Variants in MYL6B observed in about 807,000 individuals in gnomAD.
The protein encoded by MYL6B is myosin alkali light chain 1 slow a.
Under a neutral mutation model 24.5 loss-of-function variants are expected in MYL6B, and 19 were observed. The observed-to-expected ratio is 0.78, with a 90% CI of 0.54 to 1.14. The LOEUF (loss-of-function observed/expected upper bound fraction) is 1.14, where lower values mean the gene tolerates loss of function less well. Among genes scored for constraint, MYL6B ranks in the 50% most tolerant of loss-of-function variants. MYL6B has a pLI of 0.00. For missense variants in MYL6B, 230 were observed against 263.8 expected (o/e 0.87, Z 0.89); for synonymous variants, 90 against 100.7 (o/e 0.89, Z 0.64).
chr12:56,157,660 C>A, intron 6 of MYL6B, 38 bp from the exon 7 acceptor site: 2 of 1,613,378 alleles, frequency 1.2e-6, no homozygotes, highest in Non-Finnish European at 1.7e-6. Flanking sequence ...TATCCAAAGG[C>A]CTGCTTCTGA....
rs368314079 is a variant in MYL6B, at chr12:56,155,709, G to A, written c.520+117G>A. On this transcript the variant is annotated intron_variant, in intron 5 of 6. Coordinates refer to ENST00000553066, the Ensembl canonical transcript of MYL6B. Reference sequence around the variant, plus strand: ...GAGGCTTACTGTCCTGCAGGTTGTCGGCAGGAGACTGAGAAGGTCAGAGCT... The same window carrying A: ...GAGGCTTACTGTCCTGCAGGTTGTCAGCAGGAGACTGAGAAGGTCAGAGCT... 1.5e-5 allele frequency: 24 copies of A among 1,564,296 alleles called. No individual in the cohort carries two copies. In the East Asian group the frequency reaches 1.9e-4, roughly 12 times the overall value.
chr12:56,155,376 T>A (rs758486575), intron 4 of MYL6B, 43 bp from the exon 5 acceptor site: 4 of 1,613,656 alleles, frequency 2.5e-6, no homozygotes, highest in South Asian at 2.2e-5. Context: ...GGGTCCTATG[T>A]AATACTACAA....
chr12:56,153,521 C>T, intron 1 of MYL6B: 1 of 977,802 alleles, frequency 1.0e-6, no homozygotes, highest in Non-Finnish European at 1.2e-6. Flanking sequence ...CCCCTCACCC[C>T]ACCCTTCAAG....
chr12:56,154,999 C>T, intron 3 of MYL6B, 56 bp from the exon 4 acceptor site: 3 of 1,571,012 alleles, frequency 1.9e-6, no homozygotes, highest in Non-Finnish European at 2.6e-6. Context: ...TCCCTTCTGT[C>T]TGGGGGTGAT....
chr12:56,154,523 T>C (rs1045596096), intron 2 of MYL6B, among the ~76,000 whole-genome samples: 1 of 152,220 alleles, frequency 6.6e-6, no homozygotes, highest in African/African-American at 2.4e-5. Flanking sequence ...GGGGTAAATT[T>C]AGCCTTTGTT....
chr12:56,156,026 C>T, intron 5 of MYL6B: 1 of 1,117,732 alleles, frequency 8.9e-7, no homozygotes, highest in South Asian at 2.0e-5. Context: ...CGTGGCCTGG[C>T]CAGGTATGGT....
intron 6 of MYL6B, 72 bp downstream of exon 6, chr12:56,157,617 G>A (rs1780893994): frequency 1.2e-6 from 2 of 1,612,922 alleles, no homozygotes; most frequent in African/African-American, 1.3e-5. Context: ...GTGTGGGCGG[G>A]GGCACCCCTG....
chr12:56,157,167 GGT>G (rs1871353478), intron 5 of MYL6B: 2 of 311,716 alleles, frequency 6.4e-6, no homozygotes, highest in Non-Finnish European at 6.1e-6. Flanking sequence ...GGCCGAGGCA[GGT>G]GTATGACCTG....
At position 56,155,361 on chromosome 12, in the gene MYL6B, G is replaced by A. The variant is rs116319552; in HGVS notation, c.347-58G>A. Reference sequence around the variant, plus strand: ...GATGAAAGCATTGTGGTAGGGTTGGGAGCTGGGTCCTATGTAATACTACAA... The same window carrying A: ...GATGAAAGCATTGTGGTAGGGTTGGAAGCTGGGTCCTATGTAATACTACAA... On this transcript the variant is annotated intron_variant, in intron 4 of 6. Coordinates refer to ENST00000553066, the Ensembl canonical transcript of MYL6B. The A allele has an allele frequency of 1.3e-3, 2,158 of 1,611,136 alleles. 29 individuals are homozygous for A. In the African/African-American group the frequency reaches 0.025, roughly 19 times the overall value.
chr12:56,155,761 T>C (rs1182782666), intron 5 of MYL6B, 169 bp downstream of exon 5: 4 of 1,528,444 alleles, frequency 2.6e-6, no homozygotes, highest in Non-Finnish European at 2.6e-6. Flanking sequence ...AAGGACTCGC[T>C]CTTCCAGAGG....
chr12:56,153,424 G>C, intron 1 of MYL6B: 3 of 985,874 alleles, frequency 3.0e-6, no homozygotes, highest in Non-Finnish European at 3.6e-6. Context: ...GAGTGGAGGG[G>C]CTGGGCAGAT....
At chr12:56,154,708 C>A in intron 2 of MYL6B, 105 bp from the exon 3 acceptor site, 1 of 1,314,532 alleles carries the variant, frequency 7.6e-7, no homozygotes, top group Non-Finnish European at 1.1e-6. Context: ...CCAGCCTGGT[C>A]CCTTTGGGCC....
chr12:56,155,470 C>T, exon 5 of MYL6B: 1 of 1,614,158 alleles, frequency 6.2e-7, no homozygotes, highest in Non-Finnish European at 8.5e-7. Flanking sequence ...ATGCTCCAGG[C>T]AGTGGCCAAG....
intron 5 of MYL6B, among the ~76,000 whole-genome samples, chr12:56,156,779 G>C (rs1871331189): frequency 6.6e-6 from 1 of 151,730 alleles, no homozygotes; most frequent in South Asian, 2.1e-4. Flanking sequence ...GGCTGGGCGT[G>C]GTGGCTCACA....
Position 56,157,452 on chromosome 12 carries a change from T to C in MYL6B, c.521-16T>C, listed in dbSNP as rs541023659. On this transcript the variant is annotated splice_polypyrimidine_tract_variant and intron_variant, in intron 5 of 6. Transcript: ENST00000553066. ...GGAGGGAAAGGAGGGCCTCAGACGT[T>C]GTGTCTGGGATTCAGGAGAGAAGAT... 8.1e-6 allele frequency: 13 copies of C among 1,611,992 alleles called. No homozygotes were observed. In the South Asian group the frequency reaches 1.3e-4, roughly 16 times the overall value.
Position 56,155,404 on chromosome 12 carries a change from C to T in MYL6B, c.347-15C>T. ...TACTACAATGACCTCTCCTTTACCT[C>T]TCTCCAACCTCCAGAGCTGAAGTCG... is the stretch of plus-strand genomic sequence containing the variant. On this transcript the variant is annotated splice_polypyrimidine_tract_variant and intron_variant, in intron 4 of 6. Transcript: ENST00000553066. 8 of 1,614,150 alleles carry T rather than the reference C, an allele frequency of 5.0e-6. No homozygotes were observed. The highest frequency in any genetic ancestry group is 6.8e-6 in the Non-Finnish European group (8 of 1,180,016).
chr12:56,157,797 C>T, exon 7 of MYL6B: 1 of 1,565,026 alleles, frequency 6.4e-7, no homozygotes, highest in Admixed American at 1.7e-5. Context: ...TTCTCTCAGC[C>T]AACATAGAAA....
chr12:56,153,578 T>C, intron 1 of MYL6B: 1 of 637,154 alleles, frequency 1.6e-6, no homozygotes, highest in Non-Finnish European at 2.0e-6. Context: ...CACCCCCATC[T>C]CAGTGCCACT....
chr12:56,155,730 G>C (rs1313044975), intron 5 of MYL6B, 138 bp downstream of exon 5: 1 of 1,544,024 alleles, frequency 6.5e-7, no homozygotes, highest in Non-Finnish European at 8.7e-7. Context: ...GAGAAGGTCA[G>C]AGCTATGGGG....
Sources: allele counts gnomAD v4.1 joint callset (sites outside exome capture counted in the v4.1 genomes callset), GRCh38; gene constraint gnomAD v4.1.1; transcripts MANE v1.5; gene names NCBI Gene and HGNC (gene_info 2026-07-23, HGNC 2026-07-21).